CCDC144A: variants seen among roughly 807,000 people sequenced by gnomAD.
The protein encoded by CCDC144A is coiled-coil domain containing 144A.
CCDC144A carries 41 observed loss-of-function variants against 143.8 expected under a neutral mutation model. The observed-to-expected ratio is 0.29, with a 90% CI of 0.22 to 0.37. The LOEUF (loss-of-function observed/expected upper bound fraction) is 0.37, where lower values mean the gene tolerates loss of function less well. Among genes scored for constraint, CCDC144A ranks in the 10% least tolerant of loss-of-function variants. The pLI, the probability that CCDC144A is intolerant of heterozygous loss-of-function variation, is 1.00. For missense variants in CCDC144A, 637 were observed against 1,488.8 expected (o/e 0.43, Z 9.41); for synonymous variants, 242 against 517.9 (o/e 0.47, Z 7.23).
chr17:16,721,159 G>A (rs979001034), intron 8 of CCDC144A, among the ~76,000 whole-genome samples: 18 of 151,768 alleles, frequency 1.2e-4, no homozygotes, highest in Non-Finnish European at 2.7e-4. Context: ...GTCCCACTCT[G>A]TGTCTTATAT....
chr17:16,743,172 C>T (rs1251580774), intron 12 of CCDC144A, among the ~76,000 whole-genome samples: 1 of 152,108 alleles, frequency 6.6e-6, no homozygotes, highest in Non-Finnish European at 1.5e-5. Context: ...TGACCAATGT[C>T]CTGAAGCATT....
chr17:16,684,660 TA>T (rs746166164), upstream of CCDC144A, among the ~76,000 whole-genome samples: 853 of 130,534 alleles, frequency 6.5e-3, 1 homozygote, highest in South Asian at 0.011. Context: ...AGACTCCATC[TA>T]AAAAAAAAAA....
At chr17:16,755,347 T>C (rs1229132896) in intron 12 of CCDC144A, among the ~76,000 whole-genome samples, 2 of 152,250 alleles carry the variant, frequency 1.3e-5, no homozygotes, top group Non-Finnish European at 2.9e-5. Flanking sequence ...AATTTGCTGG[T>C]TTTCTGTAGT....
intron 12 of CCDC144A, chr17:16,746,202 G>C: frequency 6.8e-7 from 1 of 1,474,302 alleles, no homozygotes; most frequent in East Asian, 2.4e-5. Flanking sequence ...TCCCTTTTCT[G>C]GTTTCTTAAG....
At chr17:16,682,634 A>T in the CCDC144A span, among the ~76,000 whole-genome samples, 1 of 152,098 alleles carries the variant, frequency 6.6e-6, no homozygotes, top group African/African-American at 2.4e-5. Context: ...ATTATAAAAA[A>T]TGTCAGGGGA....
At chr17:16,751,215 CTTT>C (rs1215247196) in intron 12 of CCDC144A, among the ~76,000 whole-genome samples, 1 of 150,796 alleles carries the variant, frequency 6.6e-6, no homozygotes, top group Non-Finnish European at 1.5e-5. Context: ...TTTTTATGTT[CTTT>C]TTTTTCTCTT....
intron 15 of CCDC144A, among the ~76,000 whole-genome samples, chr17:16,770,469 G>A (rs1202637637): frequency 1.3e-5 from 2 of 152,140 alleles, no homozygotes; most frequent in African/African-American, 4.8e-5. Context: ...TTAAAAATCT[G>A]TATTTCTTTT....
At position 16,732,545 on chromosome 17, in the gene CCDC144A, A is replaced by C. The variant is rs199988293; in HGVS notation, c.2297A>C (p.Gln766Pro). The part of the protein sequence containing the change: ...TVRNNLDLVV[Q>P]ERNDAQKQLS... The stretch of plus-strand genomic sequence containing the variant: ...CCTCCATGTTATCTCTAGGTTGTGC[A>C]GGAGAGAAACGATGCCCAGAAGCAA... Residue 766 changes from glutamine to proline, a missense_variant, in exon 11 of 17, where the codon CAG becomes CCG. Gln to Pro is a moderately conservative substitution (Grantham distance 76). Coordinates refer to ENST00000399273, the MANE Select transcript of CCDC144A (RefSeq NM_001382000.1). 35 of 1,608,024 alleles carry C rather than the reference A, an allele frequency of 2.2e-5. No homozygotes were observed. In the South Asian group the frequency reaches 3.9e-4, roughly 18 times the overall value.
At chr17:16,668,854 T>A in the CCDC144A span, among the ~76,000 whole-genome samples, 1 of 152,186 alleles carries the variant, frequency 6.6e-6, no homozygotes, top group Non-Finnish European at 1.5e-5. Flanking sequence ...GGCCTCTTCT[T>A]ATAAGGGCAT....
the CCDC144A span, among the ~76,000 whole-genome samples, chr17:16,676,011 G>A: frequency 9.2e-5 from 14 of 152,004 alleles, no homozygotes; most frequent in African/African-American, 3.4e-4. Context: ...GACTTCCAAA[G>A]TGCTGGGATT....
intron 12 of CCDC144A, among the ~76,000 whole-genome samples, chr17:16,758,937 A>G (rs571544503): frequency 6.6e-6 from 1 of 152,334 alleles, no homozygotes; most frequent in South Asian, 2.1e-4. Context: ...GCTTCCTGTG[A>G]AGGAAGCACA....
At chr17:16,740,294 A>G (rs1473853503) in intron 12 of CCDC144A, among the ~76,000 whole-genome samples, 1 of 152,200 alleles carries the variant, frequency 6.6e-6, no homozygotes, top group Non-Finnish European at 1.5e-5. Context: ...TTCTTGGCAC[A>G]GATACTACAT....
chr17:16,672,974 T>C, the CCDC144A span, among the ~76,000 whole-genome samples: 11 of 152,150 alleles, frequency 7.2e-5, no homozygotes, highest in Non-Finnish European at 1.5e-4. Flanking sequence ...TTTTGAAATT[T>C]AGTTCTCGAA....
the CCDC144A span, chr17:16,684,321 A>C: frequency 1.4e-6 from 1 of 724,998 alleles, no homozygotes; most frequent in Non-Finnish European, 2.5e-6. Context: ...TGGTTTAATG[A>C]CATAACAATT....
intron 11 of CCDC144A, among the ~76,000 whole-genome samples, chr17:16,733,451 C>G (rs1913844737): frequency 6.7e-6 from 1 of 150,308 alleles, no homozygotes; most frequent in Admixed American, 6.6e-5. Flanking sequence ...TTGCAGTCAG[C>G]CAAAATTGGG....
chr17:16,682,538 T>C, the CCDC144A span, among the ~76,000 whole-genome samples: 4 of 151,838 alleles, frequency 2.6e-5, no homozygotes, highest in East Asian at 7.7e-4. Flanking sequence ...AAAAGAAAGA[T>C]AAGTCCAGGT....
chr17:16,694,258 C>T (rs1911271572), intron 2 of CCDC144A, among the ~76,000 whole-genome samples: 1 of 152,128 alleles, frequency 6.6e-6, no homozygotes, highest in Non-Finnish European at 1.5e-5. Flanking sequence ...TCGGCAATAC[C>T]TTTCTGGCAC....
intron 7 of CCDC144A, 134 bp downstream of exon 7, chr17:16,720,365 G>A (rs1913021543): frequency 1.3e-5 from 13 of 1,024,742 alleles, no homozygotes; most frequent in Admixed American, 5.6e-5. Context: ...AGTAACCGTT[G>A]ATAATGGTAC....
At chr17:16,752,234 C>T (rs868436095) in intron 12 of CCDC144A, among the ~76,000 whole-genome samples, 3 of 152,142 alleles carry the variant, frequency 2.0e-5, no homozygotes, top group African/African-American at 7.2e-5. Flanking sequence ...GAACTGTGCA[C>T]GTGAGGGATC....
Sources: gnomAD v4.1 joint callset for allele counts (sites outside exome capture counted in the v4.1 genomes callset) on GRCh38, gnomAD v4.1.1 for gene constraint, MANE v1.5 for transcripts, NCBI Gene and HGNC (gene_info 2026-07-23, HGNC 2026-07-21) for gene names.